Variants in KDM2B observed in about 807,000 individuals in gnomAD.
KDM2B encodes the protein lysine demethylase 2B, also known as lysine-specific demethylase 2B.
KDM2B carries 26 observed loss-of-function variants against 150.0 expected under a neutral mutation model. The ratio of observed to expected loss-of-function variants is 0.17; its 90% CI spans 0.13 to 0.24. The LOEUF (loss-of-function observed/expected upper bound fraction) is 0.24, where lower values mean the gene tolerates loss of function less well. Among genes scored for constraint, KDM2B ranks in the 10% least tolerant of loss-of-function variants. The pLI is 1.00. For synonymous variants in KDM2B, 734 were observed against 729.5 expected, an observed-to-expected ratio of 1.01 and a Z score of -0.10; for missense variants, 1,265 against 1,816.9, an observed-to-expected ratio of 0.70 and a Z score of 5.52.
chr12:121,512,250 T>C (rs1393599913), intron 10 of KDM2B, among the ~76,000 whole-genome samples: 1 of 151,986 alleles, frequency 6.6e-6, no homozygotes, highest in Non-Finnish European at 1.5e-5. Context: ...TCCAACCCCC[T>C]GAATATCACA....
chr12:121,560,457 G>C (rs545080963), intron 4 of KDM2B, among the ~76,000 whole-genome samples: 17 of 152,294 alleles, frequency 1.1e-4, no homozygotes, highest in Non-Finnish European at 1.6e-4. Flanking sequence ...AAAACAAGCA[G>C]CTCAGGCTGA....
At chr12:121,545,421 C>G (rs1291285941) in intron 6 of KDM2B, among the ~76,000 whole-genome samples, 1 of 151,304 alleles carries the variant, frequency 6.6e-6, no homozygotes, top group Non-Finnish European at 1.5e-5. Context: ...GTGTGAGCCT[C>G]ACTTTTTTTT....
rs1400939114 is a variant in KDM2B, at chr12:121,520,858, C to A, written c.1047+127G>T. 4 of 579,620 alleles carry A rather than the reference C, an allele frequency of 6.9e-6. No homozygotes were observed. In the Admixed American group the frequency reaches 9.7e-5, roughly 14 times the overall value. 35.9% of individuals were successfully genotyped at this position (579,620 alleles called of 1,614,324 possible). A position where few individuals can be genotyped will look rare whatever the true frequency, so the allele number is the denominator to read the frequency against. On this transcript the variant is annotated intron_variant, in intron 9 of 22. Coordinates refer to ENST00000377071, the MANE Select transcript of KDM2B (RefSeq NM_032590.5). This position sits in a 1 kb window ranked among gnomAD's most constrained non-coding sequence, Gnocchi z 4.5. Reference sequence around the variant, plus strand: ...GCCACAGAACCAGGACTGAAGCCAGCTTGAGAGAGGAATCGGGAGGGAGAG... The same window carrying A: ...GCCACAGAACCAGGACTGAAGCCAGATTGAGAGAGGAATCGGGAGGGAGAG...
chr12:121,423,998 T>G, the KDM2B span: 11 of 158,236 alleles, frequency 7.0e-5, 1 homozygote, highest in East Asian at 2.0e-3. This position sits in a 1 kb window ranked among gnomAD's most constrained non-coding sequence, Gnocchi z 4.3. Context: ...ACATGGAACA[T>G]GCTGAGCAGT....
intron 1 of KDM2B, chr12:121,580,154 A>AT: frequency 1.4e-6 from 2 of 1,474,338 alleles, no homozygotes; most frequent in South Asian, 1.5e-5. Context: ...CCAAAAAATA[A>AT]ATAAATAAAG....
intron 12 of KDM2B, among the ~76,000 whole-genome samples, chr12:121,457,030 C>T (rs1176890483): frequency 1.3e-5 from 2 of 152,156 alleles, no homozygotes; most frequent in Non-Finnish European, 2.9e-5. Flanking sequence ...CTGAAAAACC[C>T]ACAGGTAAGA....
At chr12:121,484,569 G>A (rs12814684) in intron 12 of KDM2B, among the ~76,000 whole-genome samples, 2 of 152,140 alleles carry the variant, frequency 1.3e-5, no homozygotes, top group Non-Finnish European at 2.9e-5. Context: ...TGTAGTCCTA[G>A]CACTTTGGGA....
chr12:121,428,126 A>C (rs556415431), downstream of KDM2B, among the ~76,000 whole-genome samples: 35 of 152,316 alleles, frequency 2.3e-4, no homozygotes, highest in South Asian at 7.0e-3. Flanking sequence ...CAGTGGCTTC[A>C]AGTGTCTTTA....
intron 6 of KDM2B, among the ~76,000 whole-genome samples, chr12:121,535,743 G>A (rs552351172): frequency 6.6e-6 from 1 of 152,188 alleles, no homozygotes; most frequent in African/African-American, 2.4e-5. Flanking sequence ...CAGTGCTATG[G>A]AGGGCTGGAG....
chr12:121,551,715 G>C (rs140015322), intron 4 of KDM2B, among the ~76,000 whole-genome samples: 3 of 152,032 alleles, frequency 2.0e-5, no homozygotes, highest in Non-Finnish European at 2.9e-5. Context: ...ACCGCACCCG[G>C]CTCTTTTTCG....
At chr12:121,563,748 G>A (rs782232496) in intron 4 of KDM2B, among the ~76,000 whole-genome samples, 19 of 151,812 alleles carry the variant, frequency 1.3e-4, no homozygotes, top group Non-Finnish European at 2.1e-4. Flanking sequence ...GTGAAACTCC[G>A]TCTCTACTAA....
At chr12:121,446,180 G>A (rs1393518541) in intron 13 of KDM2B, among the ~76,000 whole-genome samples, 1 of 152,198 alleles carries the variant, frequency 6.6e-6, no homozygotes, top group South Asian at 2.1e-4. Flanking sequence ...CGGATCACAA[G>A]GTCAGGAGAT....
At chr12:121,554,556 G>A (rs1002721484) in intron 4 of KDM2B, among the ~76,000 whole-genome samples, 4 of 151,832 alleles carry the variant, frequency 2.6e-5, no homozygotes, top group African/African-American at 4.8e-5. Context: ...GATTACAGGC[G>A]CCTGCCACCA....
In KDM2B at chr12:121,444,549, C is replaced by T. The variant is rs141438580; in HGVS notation, c.2104-13G>A. On this transcript the variant is annotated splice_polypyrimidine_tract_variant and intron_variant, in intron 14 of 22. Transcript: ENST00000377071. Reference sequence around the variant, plus strand: ...CTGACTCCTTAATCTGCGGGGAACACCAGGACTCAGAAGAGGGACGGGCGG... The same window carrying T: ...CTGACTCCTTAATCTGCGGGGAACATCAGGACTCAGAAGAGGGACGGGCGG... 9.9e-6 allele frequency: 16 copies of T among 1,612,242 alleles called. No homozygotes were observed. The African/African-American group carries it at 1.6e-4, about 16-fold the overall frequency.
At chr12:121,570,899 A>C (rs1555315802) in intron 4 of KDM2B, among the ~76,000 whole-genome samples, 1 of 152,136 alleles carries the variant, frequency 6.6e-6, no homozygotes, top group Non-Finnish European at 1.5e-5. Context: ...CATAACAGCC[A>C]AAAAGTAGAA....
chr12:121,481,625 G>A (rs1424570007), intron 12 of KDM2B, among the ~76,000 whole-genome samples: 1 of 152,078 alleles, frequency 6.6e-6, no homozygotes. Flanking sequence ...AAAGTCTAAA[G>A]GATAAGCCAT....
At chr12:121,413,407 T>C in the KDM2B span, among the ~76,000 whole-genome samples, 18 of 138,266 alleles carry the variant, frequency 1.3e-4, no homozygotes, top group African/African-American at 4.7e-4. Context: ...GTTATAATTT[T>C]ACCTGTCCTT....
rs373552432 is a variant in KDM2B at position 121,536,968 on chromosome 12, A to C, written c.684-2378T>G. Among the ~76,000 whole-genome samples the C allele has an allele frequency of 8.6e-3, 1,317 of 152,290 alleles. 19 individuals carry two copies. The highest frequency in any genetic ancestry group is 0.03 in the African/African-American group (1,234 of 41,548). On this transcript the variant is annotated intron_variant, in intron 6 of 22. Transcript: ENST00000377071. The stretch of plus-strand genomic sequence containing the variant: ...AAAAGAATCGCTGCAAGCTGGCTGC[A>C]GTGTGCAGGGAAAGTTCTCCAAGTT...
intron 12 of KDM2B, among the ~76,000 whole-genome samples, chr12:121,479,454 G>A (rs1364508407): frequency 4.2e-5 from 5 of 118,892 alleles, no homozygotes; most frequent in Non-Finnish European, 8.5e-5. Context: ...GCGACAGAGC[G>A]AGACCCTGTC....
Sources: allele counts gnomAD v4.1 joint callset (sites outside exome capture counted in the v4.1 genomes callset), GRCh38; gene constraint gnomAD v4.1.1; non-coding constraint Gnocchi (gnomAD v3.1); transcripts MANE v1.5; gene names NCBI Gene and HGNC (gene_info 2026-07-23, HGNC 2026-07-21).